The following NOL4L variants were observed in gnomAD, a reference collection of about 807,000 sequenced individuals.
NOL4L encodes nucleolar protein 4-like.
A neutral mutation model predicts 64.5 loss-of-function variants in NOL4L; 7 were observed. The observed-to-expected ratio is 0.11, with a 90% CI of 0.06 to 0.20. NOL4L has a LOEUF of 0.20. Ranked by LOEUF, NOL4L falls within the 10% of genes least tolerant of loss-of-function variation. NOL4L has a pLI of 1.00. For synonymous variants in NOL4L, 413 were observed against 401.0 expected (o/e 1.03, Z -0.36); for missense variants, 680 against 967.1 (o/e 0.70, Z 3.94).
intron 4 of NOL4L, among the ~76,000 whole-genome samples, chr20:32,488,836 TTTC>T (rs2016300246): frequency 1.4e-5 from 1 of 72,230 alleles, no homozygotes; most frequent in Admixed American, 1.4e-4. Context: ...TTTTTCTTTC[TTTC>T]TTTCTTTCTT....
chr20:32,581,104 C>CTTATAAAGAGATCTTATAAAGAGATCTT (rs1980444420), intron 1 of NOL4L, among the ~76,000 whole-genome samples: 2 of 152,218 alleles, frequency 1.3e-5, no homozygotes, highest in African/African-American at 4.8e-5. Context: ...TGGCTCTTGT[C>CTTATAAAGAGATCTTATAAAGAGATCTT]ATAAAGAGAT....
intron 10 of NOL4L, chr20:32,449,782 GA>G (rs936260525): frequency 1.3e-5 from 2 of 152,368 alleles, no homozygotes; most frequent in African/African-American, 4.8e-5. Context: ...GACCCAGAGG[GA>G]TGCGGGGGAA....
intron 6 of NOL4L, among the ~76,000 whole-genome samples, chr20:32,455,550 G>A (rs1352582801): frequency 1.3e-5 from 2 of 152,230 alleles, no homozygotes; most frequent in African/African-American, 4.8e-5. Flanking sequence ...AACCTTAGTG[G>A]CCCGGAGGCA....
chr20:32,536,376 G>A lies in NOL4L; in HGVS notation c.322-8463C>T, dbSNP rs565912102. On this transcript the variant is annotated intron_variant, in intron 1 of 10. Transcript: ENST00000621426. ...GTGCGGGCCCCACCCAGGGCCGGGG[G>A]AAGAGGTGGGGCTGGAGGGGGAGGG... 3.4e-4 allele frequency: 319 copies of A among 927,966 alleles called. 1 individual carries two copies. Among genetic ancestry groups the A allele is most frequent in the East Asian group, 2.4e-3 (20 of 8,426 alleles). 57.5% of individuals were successfully genotyped at this position (927,966 alleles called of 1,614,324 possible). A position where few individuals can be genotyped will look rare whatever the true frequency, so the allele number is the denominator to read the frequency against.
chr20:32,500,936 A>C (rs1164078767), intron 4 of NOL4L, among the ~76,000 whole-genome samples: 1 of 152,212 alleles, frequency 6.6e-6, no homozygotes, highest in East Asian at 1.9e-4. Context: ...ATAAATTAAT[A>C]AGTGGGGGAG....
At chr20:32,539,257 A>G (rs1318112540) in intron 1 of NOL4L, among the ~76,000 whole-genome samples, 1 of 152,212 alleles carries the variant, frequency 6.6e-6, no homozygotes, top group African/African-American at 2.4e-5. Flanking sequence ...CTGGCTCTCC[A>G]TGGGCCAGCT....
rs147722841 is a variant in NOL4L, at chr20:32,550,120, G to A, written c.322-22207C>T. 2.6e-5 allele frequency among the ~76,000 whole-genome samples: 4 copies of A among 152,340 alleles called. No individual in the cohort carries two copies. The East Asian group carries it at 7.7e-4, about 29-fold the overall frequency. ...CAGTCAGGTGTCAATGATGGGACAG[G>A]TTCTGAGAAATGCATCATTAGGTGA... On this transcript the variant is annotated intron_variant, in intron 1 of 10. Coordinates refer to ENST00000621426, the MANE Select transcript of NOL4L (RefSeq NM_001256798.2).
intron 1 of NOL4L, 81 bp downstream of exon 1, chr20:32,584,489 T>A: frequency 9.0e-7 from 1 of 1,111,946 alleles, no homozygotes; most frequent in Non-Finnish European, 1.2e-6. Flanking sequence ...CGGACACACA[T>A]CCACACCCCC....
intron 1 of NOL4L, among the ~76,000 whole-genome samples, chr20:32,548,132 G>A (rs6058732): frequency 6.6e-6 from 1 of 152,200 alleles, no homozygotes; most frequent in African/African-American, 2.4e-5. Flanking sequence ...TTACAGATGA[G>A]GAAACTTAGG....
chr20:32,522,843 GC>G lies in NOL4L; in HGVS notation c.478-1922del, dbSNP rs1031922619. Among the ~76,000 whole-genome samples, 4 of 152,354 alleles carry G rather than the reference GC, an allele frequency of 2.6e-5. No individual in the cohort carries two copies. In the South Asian group the frequency reaches 6.2e-4, roughly 24 times the overall value. The stretch of plus-strand genomic sequence containing the variant: ...AGGCCTCAGGAGAGCTCAGTGGAGG[GC>G]CCGGGGGAGGGTTGCACAGTCAGCT... On this transcript the variant is annotated intron_variant, in intron 2 of 10. Coordinates refer to ENST00000621426, the MANE Select transcript of NOL4L (RefSeq NM_001256798.2).
chr20:32,496,678 G>GTAGC (rs1002326198), intron 4 of NOL4L, among the ~76,000 whole-genome samples: 5 of 152,032 alleles, frequency 3.3e-5, no homozygotes, highest in Admixed American at 3.3e-4. Context: ...AGCCTCCCGA[G>GTAGC]TAGCTGGAAC....
chr20:32,509,536 A>AAAAAG lies in NOL4L; in HGVS notation c.699+1806_699+1810dup, dbSNP rs1555800662. Among the ~76,000 whole-genome samples, 650 of 140,620 alleles carry AAAAAG rather than the reference A, an allele frequency of 4.6e-3. 10 individuals carry two copies. The highest frequency in any genetic ancestry group is 8.3e-3 in the African/African-American group (288 of 34,592). The allele number at this position is 140,620 out of a possible 152,430, so 92.3% of individuals were successfully genotyped here. A position where few individuals can be genotyped will look rare whatever the true frequency, so the allele number is the denominator to read the frequency against. ...CTGCCTCAAAAAAAAAAAAAAAAAAAAAAAGAAAAGAAAGAAAATCTAGGG... is the reference window on the plus strand; with the variant it reads ...CTGCCTCAAAAAAAAAAAAAAAAAAAAAAAGAAAAGAAAAGAAAGAAAATCTAGGG... On this transcript the variant is annotated intron_variant, in intron 4 of 10. Coordinates refer to ENST00000621426, the MANE Select transcript of NOL4L (RefSeq NM_001256798.2).
chr20:32,520,679 C>A (rs2017897050), intron 3 of NOL4L, 132 bp downstream of exon 3: 2 of 544,236 alleles, frequency 3.7e-6, no homozygotes. Flanking sequence ...CACCACGGAC[C>A]CATACTGGCC....
At chr20:32,510,032 C>A in intron 4 of NOL4L, 1 of 1,050,992 alleles carries the variant, frequency 9.5e-7, no homozygotes, top group Non-Finnish European at 1.3e-6. Flanking sequence ...ATTCTATAAC[C>A]AACAACAAAA....
chr20:32,472,773 G>C (rs2015112679), intron 5 of NOL4L, among the ~76,000 whole-genome samples: 1 of 152,088 alleles, frequency 6.6e-6, no homozygotes, highest in Admixed American at 6.5e-5. Context: ...ACAACTCCAT[G>C]AGTGTCTCGG....
chr20:32,474,696 G>A lies in NOL4L; in HGVS notation c.746C>T (p.Thr249Ile), dbSNP rs1327993511. The A allele has an allele frequency of 1.9e-6, 3 of 1,613,630 alleles. No individual in the cohort carries two copies. Among genetic ancestry groups the A allele is most frequent in the African/African-American group, 1.3e-5 (1 of 74,932 alleles). The change falls in exon 5 of 11, where the codon ACA becomes ATA. Residue 249 changes from threonine (T) to isoleucine (I), a missense_variant. Thr to Ile is a moderately conservative substitution (Grantham distance 89). Transcript: ENST00000621426. Reference sequence around the variant, plus strand: ...CAGGTGCGGGTCAGCTGACATCCATGTGGAGTCGCTCATATCAAAATCCTC... The same window carrying A: ...CAGGTGCGGGTCAGCTGACATCCATATGGAGTCGCTCATATCAAAATCCTC... ...SSEDFDMSDS[T>I]WMSADPHLAS...
chr20:32,519,136 A>T (rs1241084469), intron 3 of NOL4L, among the ~76,000 whole-genome samples: 1 of 152,170 alleles, frequency 6.6e-6, no homozygotes, highest in Non-Finnish European at 1.5e-5. Flanking sequence ...TGTTCTTAAC[A>T]TGGGAACCAG....
chr20:32,471,945 A>G lies in NOL4L; in HGVS notation c.841+2656T>C, dbSNP rs192843089. On this transcript the variant is annotated intron_variant, in intron 5 of 10. Coordinates refer to ENST00000621426, the MANE Select transcript of NOL4L (RefSeq NM_001256798.2). The stretch of plus-strand genomic sequence containing the variant: ...AGTGCCATGCCTGTACAGCCTGTGG[A>G]ACTGTGAACCAAATAAACCTCTTTT... Among the ~76,000 whole-genome samples the G allele has an allele frequency of 1.4e-3, 208 of 152,280 alleles. 2 individuals are homozygous for G. Among genetic ancestry groups the G allele is most frequent in the Non-Finnish European group, 1.8e-3 (123 of 68,024 alleles).
intron 4 of NOL4L, chr20:32,510,800 G>A (rs1219692904): frequency 6.5e-6 from 1 of 153,418 alleles, no homozygotes; most frequent in Non-Finnish European, 1.5e-5. Context: ...TGTGTGGGAA[G>A]GCAGGCGAGA....
Sources: gnomAD v4.1 joint callset for allele counts (sites outside exome capture counted in the v4.1 genomes callset) on GRCh38, gnomAD v4.1.1 for gene constraint, MANE v1.5 for transcripts, NCBI Gene and HGNC (gene_info 2026-07-23, HGNC 2026-07-21) for gene names.